BBS9: variants seen among roughly 807,000 people sequenced by gnomAD.
BBS9 encodes the protein Bardet-Biedl syndrome 9.
A neutral mutation model predicts 117.7 loss-of-function variants in BBS9; 89 were observed. The observed-to-expected ratio is 0.76, with a 90% CI of 0.64 to 0.90. The LOEUF is 0.90. Among genes scored for constraint, BBS9 ranks in the 40% least tolerant of loss-of-function variants. The pLI is 0.00. For synonymous variants in BBS9, 379 were observed against 370.9 expected, an observed-to-expected ratio of 1.02 and a Z score of -0.25; for missense variants, 982 against 1,042.2, an observed-to-expected ratio of 0.94 and a Z score of 0.80.
intron 16 of BBS9, among the ~76,000 whole-genome samples, chr7:33,365,393 G>T (rs1821493324): frequency 6.6e-6 from 1 of 152,202 alleles, no homozygotes; most frequent in South Asian, 2.1e-4. Flanking sequence ...CCTGGCAAGG[G>T]CATAGCAATG....
chr7:33,552,535 T>C (rs1854603640), intron 21 of BBS9, among the ~76,000 whole-genome samples: 1 of 152,176 alleles, frequency 6.6e-6, no homozygotes. Flanking sequence ...TTAGATCAAC[T>C]CTGCAACTGG....
intron 9 of BBS9, among the ~76,000 whole-genome samples, chr7:33,313,066 C>G (rs13310671): frequency 6.9e-6 from 1 of 144,536 alleles, no homozygotes; most frequent in Non-Finnish European, 1.5e-5. Context: ...TGTGTGTGTG[C>G]GCGCACAGGC....
At chr7:33,458,323 A>G (rs914787206) in intron 19 of BBS9, among the ~76,000 whole-genome samples, 10 of 152,110 alleles carry the variant, frequency 6.6e-5, no homozygotes, top group African/African-American at 2.4e-4. Context: ...TATTTTTGAG[A>G]ATAAAGTTTT....
rs1348525441 is a variant in BBS9 at position 33,316,766 on chromosome 7, A to G, written c.1017-19675A>G. ...TTGTTATAGTAGTTCTTTATATAGA[A>G]GGACGCAAGTCCTTTGATGAAAATT... On this transcript the variant is annotated intron_variant, in intron 9 of 22. Transcript: ENST00000242067. Among the ~76,000 whole-genome samples, 6 of 152,178 alleles carry G rather than the reference A, an allele frequency of 3.9e-5. No individual in the cohort carries two copies. In the East Asian group the frequency reaches 1.2e-3, roughly 29 times the overall value.
At chr7:33,396,022 G>A (rs1165829388) in intron 19 of BBS9, among the ~76,000 whole-genome samples, 1 of 152,104 alleles carries the variant, frequency 6.6e-6, no homozygotes, top group Non-Finnish European at 1.5e-5. Context: ...TGAGAAAGGA[G>A]GAGGAAGCAG....
intron 21 of BBS9, among the ~76,000 whole-genome samples, chr7:33,541,568 A>G (rs566740794): frequency 6.6e-6 from 1 of 152,330 alleles, no homozygotes; most frequent in Admixed American, 6.5e-5. Flanking sequence ...TCAACTGATA[A>G]ATGGATAACA....
At chr7:33,346,852 T>C (rs1817682740) in intron 12 of BBS9, among the ~76,000 whole-genome samples, 1 of 152,260 alleles carries the variant, frequency 6.6e-6, no homozygotes, top group East Asian at 1.9e-4. Context: ...AATTTTCATT[T>C]TTACTTAAAA....
chr7:33,212,881 G>C (rs1252342298), intron 5 of BBS9, among the ~76,000 whole-genome samples: 1 of 152,092 alleles, frequency 6.6e-6, no homozygotes, highest in Non-Finnish European at 1.5e-5. Flanking sequence ...CTCTCTCTGT[G>C]CTGAGCCACC....
chr7:33,249,226 G>GACAC (rs143505945), intron 5 of BBS9, among the ~76,000 whole-genome samples: 38,424 of 148,246 alleles, frequency 0.26, 5,292 homozygotes, highest in Admixed American at 0.39. Flanking sequence ...TGGGCATGGG[G>GACAC]ACACACACAC....
intron 19 of BBS9, among the ~76,000 whole-genome samples, chr7:33,449,363 A>G (rs1240658987): frequency 6.6e-6 from 1 of 152,156 alleles, no homozygotes; most frequent in Non-Finnish European, 1.5e-5. Flanking sequence ...GCAATTCCCA[A>G]TTTATGGACA....
chr7:33,145,878 A>G (rs1792259693), intron 1 of BBS9, among the ~76,000 whole-genome samples: 1 of 152,192 alleles, frequency 6.6e-6, no homozygotes, highest in African/African-American at 2.4e-5. Context: ...ACTAGACTGA[A>G]AGGAAGTTAG....
intron 4 of BBS9, among the ~76,000 whole-genome samples, chr7:33,175,190 G>C (rs1320378908): frequency 6.6e-6 from 1 of 152,028 alleles, no homozygotes; most frequent in East Asian, 1.9e-4. Context: ...TGTAATCCCA[G>C]CTACTCAGGA....
chr7:33,455,124 G>C (rs1838447048), intron 19 of BBS9, among the ~76,000 whole-genome samples: 1 of 152,124 alleles, frequency 6.6e-6, no homozygotes, highest in East Asian at 1.9e-4. Flanking sequence ...TATTGTTCTT[G>C]AGTACTTGGT....
intron 10 of BBS9, among the ~76,000 whole-genome samples, chr7:33,337,011 G>C (rs1257591889): frequency 6.6e-6 from 1 of 152,034 alleles, no homozygotes; most frequent in African/African-American, 2.4e-5. Context: ...TCTTTTAAAA[G>C]AAACCAAAGC....
intron 19 of BBS9, among the ~76,000 whole-genome samples, chr7:33,492,228 A>AC (rs1844075794): frequency 6.6e-6 from 1 of 151,370 alleles, no homozygotes; most frequent in African/African-American, 2.4e-5. Context: ...AAAAAAACAA[A>AC]AAAAAAACTT....
At chr7:33,164,988 A>C (rs1297638745) in intron 4 of BBS9, among the ~76,000 whole-genome samples, 1 of 151,862 alleles carries the variant, frequency 6.6e-6, no homozygotes, top group Non-Finnish European at 1.5e-5. Context: ...TTCCATGTTT[A>C]GTGCTTCCTT....
intron 20 of BBS9, among the ~76,000 whole-genome samples, chr7:33,512,150 G>A (rs1487404215): frequency 6.6e-6 from 1 of 152,172 alleles, no homozygotes; most frequent in Admixed American, 6.6e-5. Flanking sequence ...CTGCTAGTGA[G>A]ATGCAACTGA....
rs558000869 is a variant in BBS9 at position 33,322,153 on chromosome 7, G to A, written c.1017-14288G>A. On this transcript the variant is annotated intron_variant, in intron 9 of 22. Transcript: ENST00000242067. ...TTTTGTTGAGGGTCTTTGCATCAAT[G>A]TTCATCAGTTTTATTGGCCTGTAAT... 7.9e-5 allele frequency among the ~76,000 whole-genome samples: 12 copies of A among 151,868 alleles called. 1 individual carries two copies. The South Asian group carries it at 2.5e-3, about 32-fold the overall frequency.
intron 4 of BBS9, chr7:33,157,654 G>A (rs1325822484): frequency 1.3e-5 from 2 of 152,174 alleles, no homozygotes; most frequent in East Asian, 3.9e-4. Context: ...TAATTTAAGT[G>A]AAACCACTAG....
Sources: gnomAD v4.1 joint callset for allele counts (sites outside exome capture counted in the v4.1 genomes callset) on GRCh38, gnomAD v4.1.1 for gene constraint, MANE v1.5 for transcripts, NCBI Gene and HGNC (gene_info 2026-07-23, HGNC 2026-07-21) for gene names.